DCTN6: variants seen among roughly 807,000 people sequenced by gnomAD.
DCTN6 encodes dynactin 6.
Under a neutral mutation model 25.8 loss-of-function variants are expected in DCTN6, and 15 were observed. That is an observed-to-expected ratio of 0.58 (90% CI 0.39 to 0.89). The LOEUF (loss-of-function observed/expected upper bound fraction) is 0.89, where lower values mean the gene tolerates loss of function less well. Ranked by LOEUF, DCTN6 falls within the 40% of genes least tolerant of loss-of-function variation. The probability of loss-of-function intolerance (pLI) is 0.00; values close to 1 mark genes in which losing one functional copy is unlikely to be tolerated. For missense variants in DCTN6, 198 were observed against 237.6 expected, an observed-to-expected ratio of 0.83 and a Z score of 1.09; for synonymous variants, 64 against 78.3, an observed-to-expected ratio of 0.82 and a Z score of 0.96.
At chr8:30,159,258 A>T (rs1212131738) in intron 1 of DCTN6, among the ~76,000 whole-genome samples, 1 of 152,096 alleles carries the variant, frequency 6.6e-6, no homozygotes, top group Non-Finnish European at 1.5e-5. Flanking sequence ...TCTATTTGAT[A>T]CATGTTTTTT....
intron 1 of DCTN6, 91 bp downstream of exon 1, chr8:30,156,497 T>A (rs889494963): frequency 3.4e-6 from 5 of 1,470,862 alleles, no homozygotes; most frequent in Admixed American, 2.0e-5. Flanking sequence ...TCAGAAGGTG[T>A]CTCATCCTGG....
At chr8:30,164,691 C>G (rs1803642210) in intron 2 of DCTN6, among the ~76,000 whole-genome samples, 1 of 152,188 alleles carries the variant, frequency 6.6e-6, no homozygotes, top group Non-Finnish European at 1.5e-5. Flanking sequence ...CTTACACCTG[C>G]AGAGGTTTAT....
Position 30,177,118 on chromosome 8 carries a change from G to A in DCTN6, c.195-8G>A. ...ACTTTTTGGATGATTTGTTTCTTCT[G>A]TTTACAGTTACCCAGATAATATCAC... On this transcript the variant is annotated splice_region_variant and splice_polypyrimidine_tract_variant and intron_variant, in intron 3 of 6. Coordinates refer to ENST00000221114, the MANE Select transcript of DCTN6 (RefSeq NM_006571.4). The A allele has an allele frequency of 6.2e-7, 1 of 1,603,070 alleles. No homozygotes were observed. Among genetic ancestry groups the A allele is most frequent in the Non-Finnish European group, 8.5e-7 (1 of 1,174,908 alleles).
chr8:30,164,190 A>C lies in DCTN6; in HGVS notation c.88+15A>C. ...TGTAACTATCGGTAAGAAATAGTTT[A>C]TTTACTGTTTTTCAAGAATTGATGT... On this transcript the variant is annotated intron_variant, in intron 2 of 6. Transcript: ENST00000221114. 6.3e-7 allele frequency: 1 copy of C among 1,589,568 alleles called. No individual in the cohort carries two copies. Among genetic ancestry groups the C allele is most frequent in the African/African-American group, 1.3e-5 (1 of 74,514 alleles).
chr8:30,177,151 A>C lies in DCTN6; in HGVS notation c.220A>C (p.Thr74Pro). The C allele has an allele frequency of 6.2e-7, 1 of 1,613,788 alleles. No homozygotes were observed. Among genetic ancestry groups the C allele is most frequent in the Non-Finnish European group, 8.5e-7 (1 of 1,179,808 alleles). ...TTACCCAGATAATATCACTCCTGACACTGAAGATCCAGAACCAAAACCTAT... is the reference window on the plus strand; with the variant it reads ...TTACCCAGATAATATCACTCCTGACCCTGAAGATCCAGAACCAAAACCTAT... Reference protein sequence around the residue: ...NAYPDNITPDTEDPEPKPMII... With the variant: ...NAYPDNITPDPEDPEPKPMII... The change falls in exon 4 of 7, where the codon ACT (threonine) becomes CCT (proline). Residue 74 changes from threonine (T) to proline (P), a missense_variant. Thr to Pro is a conservative substitution (Grantham distance 38). Transcript: ENST00000221114.
intron 2 of DCTN6, among the ~76,000 whole-genome samples, chr8:30,166,943 G>A (rs1253902198): frequency 6.6e-6 from 1 of 151,132 alleles, no homozygotes; most frequent in Non-Finnish European, 1.5e-5. Flanking sequence ...GACAAAAAGA[G>A]AGAGAGAGGA....
At chr8:30,182,998 C>T (rs745875674) in intron 6 of DCTN6, 77 bp from the exon 7 acceptor site, 117 of 1,208,684 alleles carry the variant, frequency 9.7e-5, no homozygotes, top group Non-Finnish European at 1.4e-4. Flanking sequence ...ACAGGCATGA[C>T]CCACCACGCC....
chr8:30,159,764 T>C (rs1348770683), intron 1 of DCTN6, among the ~76,000 whole-genome samples: 3 of 6,658 alleles, frequency 4.5e-4, no homozygotes, highest in Non-Finnish European at 9.2e-4. Context: ...ATTAGTTTTC[T>C]TTTTTTTTTT....
At chr8:30,162,647 A>C (rs1803611766) in intron 1 of DCTN6, among the ~76,000 whole-genome samples, 1 of 152,224 alleles carries the variant, frequency 6.6e-6, no homozygotes. Context: ...AGCTAGGGTC[A>C]GTGTTTACAT....
intron 6 of DCTN6, chr8:30,180,904 A>G: frequency 2.0e-6 from 1 of 488,996 alleles, no homozygotes; most frequent in Non-Finnish European, 3.6e-6. Flanking sequence ...GTGGTGGGGC[A>G]TGACTATAGT....
intron 2 of DCTN6, among the ~76,000 whole-genome samples, chr8:30,172,904 T>C (rs79499348): frequency 0.017 from 2,611 of 152,326 alleles, 137 homozygotes; most frequent in East Asian, 0.17. Flanking sequence ...TATATGCATA[T>C]ATATTTTTTG....
Position 30,156,572 on chromosome 8 carries a change from G to C in DCTN6, c.23+166G>C, listed in dbSNP as rs1031817377. On this transcript the variant is annotated intron_variant, in intron 1 of 6. Transcript: ENST00000221114. ...CCACTGAGGGAGGGGGCGACGGAGT[G>C]GGGGCGGGGAGGGTTGAGAAGGGAC... 5.3e-5 allele frequency among the ~76,000 whole-genome samples: 8 copies of C among 152,304 alleles called. 1 individual carries two copies. The highest frequency in any genetic ancestry group is 2.0e-4 in the Admixed American group (3 of 15,306).
In DCTN6 at chr8:30,180,170, T is replaced by C. The variant is rs369963448; in HGVS notation, c.332-318T>C. On this transcript the variant is annotated intron_variant, in intron 5 of 6. Coordinates refer to ENST00000221114, the MANE Select transcript of DCTN6 (RefSeq NM_006571.4). The stretch of plus-strand genomic sequence containing the variant: ...TGTGTCAAACCTGTGCTCATCACTT[T>C]ACATCTGTTATCACATTTATTCCTT... Among the ~76,000 whole-genome samples the C allele has an allele frequency of 5.2e-5, 8 of 152,386 alleles. No individual in the cohort carries two copies. The South Asian group carries it at 1.7e-3, about 32-fold the overall frequency.
chr8:30,156,958 T>G (rs765923847), intron 1 of DCTN6, among the ~76,000 whole-genome samples: 21 of 152,192 alleles, frequency 1.4e-4, no homozygotes, highest in Admixed American at 8.5e-4. Flanking sequence ...ACACACATTA[T>G]ATAGATGCAA....
At chr8:30,180,109 TATC>T (rs1369552385) in intron 5 of DCTN6, among the ~76,000 whole-genome samples, 1 of 152,270 alleles carries the variant, frequency 6.6e-6, no homozygotes, top group Non-Finnish European at 1.5e-5. Context: ...TTATCACTAT[TATC>T]ATCAGCATTT....
intron 6 of DCTN6, among the ~76,000 whole-genome samples, chr8:30,182,857 G>A (rs1303917785): frequency 2.0e-5 from 3 of 151,980 alleles, no homozygotes; most frequent in African/African-American, 7.3e-5. Flanking sequence ...TATGACTACA[G>A]GGGTGTGCCA....
In DCTN6 at chr8:30,175,179, T is replaced by C; in HGVS notation, c.183T>C (p.Leu61=). 6.2e-7 allele frequency: 1 copy of C among 1,613,792 alleles called. No homozygotes were observed. Among genetic ancestry groups the C allele is most frequent in the Non-Finnish European group, 8.5e-7 (1 of 1,179,812 alleles). The change falls in exon 3 of 7, where the codon CTT becomes CTC. Residue 61 remains leucine, a synonymous_variant. Coordinates refer to ENST00000221114, the MANE Select transcript of DCTN6 (RefSeq NM_006571.4). ...GGAACCTAATAGAAGAACAGGCCCT[T>C]ATCATAAATGCGTAAGACTCTTATA... ...GEGNLIEEQA[L]IINAYPDNIT... is the part of the protein sequence containing the mutation.
chr8:30,182,078 A>G (rs889077743), intron 6 of DCTN6, among the ~76,000 whole-genome samples: 6 of 152,194 alleles, frequency 3.9e-5, no homozygotes, highest in African/African-American at 1.2e-4. Context: ...TACTTTCTAC[A>G]TAACAGCAAA....
At chr8:30,176,086 A>G (rs751483056) in intron 3 of DCTN6, among the ~76,000 whole-genome samples, 4 of 152,214 alleles carry the variant, frequency 2.6e-5, no homozygotes, top group Non-Finnish European at 5.9e-5. Flanking sequence ...TTTTATGTGA[A>G]TATCTGTTTA....
Sources: gnomAD v4.1 joint callset for allele counts (sites outside exome capture counted in the v4.1 genomes callset) on GRCh38, gnomAD v4.1.1 for gene constraint, MANE v1.5 for transcripts, NCBI Gene and HGNC (gene_info 2026-07-23, HGNC 2026-07-21) for gene names.